The following BCAS3 variants were observed in gnomAD, a reference collection of about 807,000 sequenced individuals.
BCAS3 encodes BCAS3 microtubule associated cell migration factor.
A neutral mutation model predicts 116.1 loss-of-function variants in BCAS3; 53 were observed. The ratio of observed to expected loss-of-function variants is 0.46; its 90% CI spans 0.37 to 0.57. BCAS3 has a LOEUF of 0.57. Ranked by LOEUF, BCAS3 falls within the 20% of genes least tolerant of loss-of-function variation. The pLI is 0.00. For synonymous variants in BCAS3, 391 were observed against 408.2 expected, an observed-to-expected ratio of 0.96 and a Z score of 0.51; for missense variants, 917 against 1,165.4, an observed-to-expected ratio of 0.79 and a Z score of 3.10.
At chr17:60,950,670 G>C (rs1221572574) in intron 14 of BCAS3, among the ~76,000 whole-genome samples, 1 of 152,192 alleles carries the variant, frequency 6.6e-6, no homozygotes, top group Admixed American at 6.5e-5. Flanking sequence ...GGTGAACAGA[G>C]ATGATATCTC....
chr17:61,030,239 T>G (rs1362579292), intron 16 of BCAS3, among the ~76,000 whole-genome samples: 2 of 152,086 alleles, frequency 1.3e-5, no homozygotes, highest in African/African-American at 4.8e-5. Context: ...TGTTAGCGCC[T>G]TCCATGCTTG....
At position 61,233,182 on chromosome 17, in the gene BCAS3, T is replaced by C. The variant is rs1179061520; in HGVS notation, c.2426-135145T>C. 6.6e-6 allele frequency among the ~76,000 whole-genome samples: 1 copy of C among 152,200 alleles called. No homozygotes were observed. The highest frequency in any genetic ancestry group is 2.4e-5 in the African/African-American group (1 of 41,458). Reference sequence around the variant, plus strand: ...TCCTCTCCATATTATCTAGCAACACTCTTTGAGGGATAATGGAAAGGAGGT... The same window carrying C: ...TCCTCTCCATATTATCTAGCAACACCCTTTGAGGGATAATGGAAAGGAGGT... On this transcript the variant is annotated intron_variant, in intron 22 of 23. Coordinates refer to ENST00000407086, the MANE Select transcript of BCAS3 (RefSeq NM_017679.5). This position sits in a 1 kb window ranked among gnomAD's most constrained non-coding sequence, Gnocchi z 4.3.
chr17:61,320,139 C>G (rs940020507), intron 22 of BCAS3, among the ~76,000 whole-genome samples: 2 of 151,832 alleles, frequency 1.3e-5, no homozygotes, highest in African/African-American at 4.8e-5. Context: ...ATCCTCCCGC[C>G]TCGGCCTCCC....
intron 5 of BCAS3, among the ~76,000 whole-genome samples, chr17:60,726,351 C>A (rs1052493142): frequency 4.7e-5 from 7 of 149,126 alleles, no homozygotes; most frequent in Non-Finnish European, 8.9e-5. Flanking sequence ...CAGGCATGCA[C>A]CACCACTCTT....
chr17:61,200,521 G>A lies in BCAS3; in HGVS notation c.2425+115957G>A, dbSNP rs1382631021. On this transcript the variant is annotated intron_variant, in intron 22 of 23. Transcript: ENST00000407086. The surrounding 1 kb of genome is among the most constrained non-coding windows in gnomAD (Gnocchi z 5.1). ...AAGGCCGTATGGTAAATCAATGACCGAGCTGGTGTGGAATGTTAGCCTCCT... is the reference window on the plus strand; with the variant it reads ...AAGGCCGTATGGTAAATCAATGACCAAGCTGGTGTGGAATGTTAGCCTCCT... Among the ~76,000 whole-genome samples the A allele has an allele frequency of 6.6e-6, 1 of 152,212 alleles. No individual in the cohort carries two copies. Among genetic ancestry groups the A allele is most frequent in the East Asian group, 1.9e-4 (1 of 5,194 alleles).
intron 22 of BCAS3, among the ~76,000 whole-genome samples, chr17:61,268,980 A>G (rs966039319): frequency 7.2e-5 from 11 of 152,096 alleles, no homozygotes; most frequent in Non-Finnish European, 7.3e-5. Context: ...CCCTGTATAT[A>G]TATGTATATA....
At position 61,068,948 on chromosome 17, in the gene BCAS3, G is replaced by A. The variant is rs564116982; in HGVS notation, c.2030-5972G>A. Reference sequence around the variant, plus strand: ...AATGTTCTTCCTACCTGGATTGAGAGAAATTTTTTAATATAAATAAATGCA... The same window carrying A: ...AATGTTCTTCCTACCTGGATTGAGAAAAATTTTTTAATATAAATAAATGCA... On this transcript the variant is annotated intron_variant, in intron 19 of 23. Coordinates refer to ENST00000407086, the MANE Select transcript of BCAS3 (RefSeq NM_017679.5). This position sits in a 1 kb window ranked among gnomAD's most constrained non-coding sequence, Gnocchi z 4.3. Among the ~76,000 whole-genome samples the A allele has an allele frequency of 1.3e-5, 2 of 152,158 alleles. No homozygotes were observed. Among genetic ancestry groups the A allele is most frequent in the Non-Finnish European group, 2.9e-5 (2 of 68,034 alleles).
rs554012226 is a variant in BCAS3, at chr17:61,217,669, T to C, written c.2425+133105T>C. 3.8e-4 allele frequency among the ~76,000 whole-genome samples: 58 copies of C among 152,324 alleles called. No homozygotes were observed. The South Asian group carries it at 0.012, about 31-fold the overall frequency. On this transcript the variant is annotated intron_variant, in intron 22 of 23. Transcript: ENST00000407086. This position sits in a 1 kb window ranked among gnomAD's most constrained non-coding sequence, Gnocchi z 5.2. Reference sequence around the variant, plus strand: ...GTCTGCATTTTTATCCTGTTAGGTTTTCCAGACCTGATATCATTAGGCAGC... The same window carrying C: ...GTCTGCATTTTTATCCTGTTAGGTTCTCCAGACCTGATATCATTAGGCAGC...
Position 60,751,299 on chromosome 17 carries a change from A to G in BCAS3, c.403+4020A>G, listed in dbSNP as rs1210669377. 2.6e-5 allele frequency among the ~76,000 whole-genome samples: 4 copies of G among 152,324 alleles called. No homozygotes were observed. The East Asian group carries it at 5.8e-4, about 22-fold the overall frequency. ...TTTCAATACAATATTCCAGAAAGCT[A>G]TGACTAATTAATTGGTATTATCTCA... On this transcript the variant is annotated intron_variant, in intron 6 of 23. Transcript: ENST00000407086.
rs921850110 is a variant in BCAS3, at chr17:60,994,287, A to G, written c.1486+4052A>G. ...ATATTTTAGTATTAATTGATTATAT[A>G]CATTACTATAACACTTTATTTTTAA... On this transcript the variant is annotated intron_variant, in intron 15 of 23. Transcript: ENST00000407086. The surrounding 1 kb of genome is among the most constrained non-coding windows in gnomAD (Gnocchi z 4.4). 1.6e-4 allele frequency among the ~76,000 whole-genome samples: 24 copies of G among 152,180 alleles called. No homozygotes were observed. The highest frequency in any genetic ancestry group is 5.5e-4 in the African/African-American group (23 of 41,558).
At chr17:61,353,397 A>G (rs1386478789) in intron 22 of BCAS3, among the ~76,000 whole-genome samples, 1 of 152,176 alleles carries the variant, frequency 6.6e-6, no homozygotes, top group Non-Finnish European at 1.5e-5. Flanking sequence ...GGGTCTGAGC[A>G]GCTGCCTTTC....
chr17:60,918,837 C>T (rs2058918780), intron 12 of BCAS3, among the ~76,000 whole-genome samples: 1 of 151,776 alleles, frequency 6.6e-6, no homozygotes, highest in South Asian at 2.1e-4. Context: ...GGACTACAGG[C>T]ACCCGCCACA....
chr17:61,318,205 G>A (rs972420783), intron 22 of BCAS3, among the ~76,000 whole-genome samples: 1 of 152,262 alleles, frequency 6.6e-6, no homozygotes, highest in South Asian at 2.1e-4. Flanking sequence ...TCTCTGCAAG[G>A]TGGAATCAGC....
At chr17:60,710,563 C>T (rs534682971) in intron 5 of BCAS3, among the ~76,000 whole-genome samples, 2 of 151,722 alleles carry the variant, frequency 1.3e-5, no homozygotes, top group South Asian at 2.1e-4. Flanking sequence ...TCTCAAGTAG[C>T]TGGGACTATA....
chr17:61,212,983 A>G (rs2081557323), intron 22 of BCAS3, among the ~76,000 whole-genome samples: 1 of 151,918 alleles, frequency 6.6e-6, no homozygotes, highest in African/African-American at 2.4e-5. Flanking sequence ...TTTTCATTAT[A>G]TTGTACATAA....
chr17:60,873,832 T>C (rs1225597695), intron 8 of BCAS3, among the ~76,000 whole-genome samples: 1 of 152,104 alleles, frequency 6.6e-6, no homozygotes, highest in Non-Finnish European at 1.5e-5. Context: ...AAAAACACTT[T>C]AGTAGATAGC....
chr17:60,891,462 G>A lies in BCAS3; in HGVS notation c.738+1691G>A, dbSNP rs182238481. Among the ~76,000 whole-genome samples the A allele has an allele frequency of 2.4e-4, 36 of 152,292 alleles. No homozygotes were observed. The East Asian group carries it at 6.0e-3, about 25-fold the overall frequency. On this transcript the variant is annotated intron_variant, in intron 10 of 23. Coordinates refer to ENST00000407086, the MANE Select transcript of BCAS3 (RefSeq NM_017679.5). The stretch of plus-strand genomic sequence containing the variant: ...ACAAGGAGTTTGTGAGTCAAATGTC[G>A]TGCTTTCATCTCAAAATATTTCTAG...
rs1336069666 is a variant in BCAS3, at chr17:61,363,032, A to G, written c.2426-5295A>G. On this transcript the variant is annotated intron_variant, in intron 22 of 23. Transcript: ENST00000407086. This position sits in a 1 kb window ranked among gnomAD's most constrained non-coding sequence, Gnocchi z 4.9. ...CTGTTTTGAGCAAGCATGATGTACA[A>G]AGTTCGGTGCCTATTTTCATTATGG... is the stretch of plus-strand genomic sequence containing the variant. 6.6e-6 allele frequency among the ~76,000 whole-genome samples: 1 copy of G among 152,200 alleles called. No homozygotes were observed. The highest frequency in any genetic ancestry group is 6.5e-5 in the Admixed American group (1 of 15,278).
Position 60,767,405 on chromosome 17 carries a change from C to T in BCAS3, c.403+20126C>T, listed in dbSNP as rs187424396. 1.1e-3 allele frequency among the ~76,000 whole-genome samples: 146 copies of T among 135,498 alleles called. No individual in the cohort carries two copies. The Middle Eastern group carries it at 0.032, about 30-fold the overall frequency. The allele number at this position is 135,498 out of a possible 152,430, so 88.9% of individuals were successfully genotyped here. A position where few individuals can be genotyped will look rare whatever the true frequency, so the allele number is the denominator to read the frequency against. On this transcript the variant is annotated intron_variant, in intron 6 of 23. Transcript: ENST00000407086. Reference sequence around the variant, plus strand: ...TGTCACCCAGGCTGGAGTGCAGTGGCGTGATCTCGGCTCACTGCAACCTCT... The same window carrying T: ...TGTCACCCAGGCTGGAGTGCAGTGGTGTGATCTCGGCTCACTGCAACCTCT...
Sources: gnomAD v4.1 joint callset for allele counts (sites outside exome capture counted in the v4.1 genomes callset) on GRCh38, gnomAD v4.1.1 for gene constraint, Gnocchi (gnomAD v3.1) non-coding constraint, MANE v1.5 for transcripts, NCBI Gene and HGNC (gene_info 2026-07-23, HGNC 2026-07-21) for gene names.